FARP1: variants seen among roughly 807,000 people sequenced by gnomAD.
FARP1 encodes FERM, ARHGEF and pleckstrin domain-containing protein 1.
A neutral mutation model predicts 128.8 loss-of-function variants in FARP1; 52 were observed. The observed-to-expected ratio is 0.40, with a 90% CI of 0.32 to 0.51. FARP1 has a LOEUF of 0.51. Ranked by LOEUF, FARP1 falls within the 20% of genes least tolerant of loss-of-function variation. The probability of loss-of-function intolerance (pLI) is 0.45; values close to 1 mark genes in which losing one functional copy is unlikely to be tolerated. For missense variants in FARP1, 1,333 were observed against 1,367.9 expected (o/e 0.97, Z 0.40); for synonymous variants, 580 against 551.8 (o/e 1.05, Z -0.72).
chr13:98,396,208 A>C lies in FARP1; in HGVS notation c.1414+732A>C, dbSNP rs192869545. Reference sequence around the variant, plus strand: ...AAGCCTGGCTAATGGCACACCCCCCATGGGTGCAGCCTCTAAGGTCCCTGC... The same window carrying C: ...AAGCCTGGCTAATGGCACACCCCCCCTGGGTGCAGCCTCTAAGGTCCCTGC... On this transcript the variant is annotated intron_variant, in intron 13 of 26. Coordinates refer to ENST00000319562, the MANE Select transcript of FARP1 (RefSeq NM_005766.4). The C allele has an allele frequency of 1.6e-3, 625 of 399,128 alleles. 3 individuals are homozygous for C. Among genetic ancestry groups the C allele is most frequent in the African/African-American group, 0.012 (572 of 48,758 alleles). The allele number at this position is 399,128 out of a possible 1,614,324, so 24.7% of individuals were successfully genotyped here. A position where few individuals can be genotyped will look rare whatever the true frequency, so the allele number is the denominator to read the frequency against.
At chr13:98,323,737 G>C (rs1887107992) in intron 2 of FARP1, among the ~76,000 whole-genome samples, 1 of 152,096 alleles carries the variant, frequency 6.6e-6, no homozygotes, top group African/African-American at 2.4e-5. Flanking sequence ...TAGATATCTA[G>C]TTTATTTTGC....
rs890871011 is a variant in FARP1 at position 98,440,843 on chromosome 13, A to G, written c.2796+7A>G. On this transcript the variant is annotated splice_region_variant and intron_variant, in intron 24 of 26. Coordinates refer to ENST00000319562, the MANE Select transcript of FARP1 (RefSeq NM_005766.4). ...CTTCAGCATCGCAGTGGAGGTACGC[A>G]GGGGCAGGGCAGCTCTGGTTCCCAG... 6.9e-6 allele frequency: 11 copies of G among 1,592,910 alleles called. No homozygotes were observed. Among genetic ancestry groups the G allele is most frequent in the South Asian group, 2.3e-5 (2 of 88,692 alleles).
chr13:98,433,763 CT>C (rs1176487739), intron 18 of FARP1: 1 of 152,440 alleles, frequency 6.6e-6, no homozygotes. Flanking sequence ...CATTCCGTTC[CT>C]TCTGCTTAGA....
At chr13:98,382,866 T>C (rs545297627) in intron 6 of FARP1, among the ~76,000 whole-genome samples, 3 of 152,336 alleles carry the variant, frequency 2.0e-5, no homozygotes, top group African/African-American at 7.2e-5. Flanking sequence ...TGAAGCGCTG[T>C]CTGTCTTGTG....
chr13:98,385,615 A>T, intron 7 of FARP1, 52 bp from the exon 8 acceptor site: 2 of 1,592,966 alleles, frequency 1.3e-6, no homozygotes, highest in South Asian at 1.1e-5. Flanking sequence ...AAATTAATAG[A>T]TACAGGGAAT....
chr13:98,454,810 C>A lies in FARP1; in HGVS notation c.*6493C>A, dbSNP rs1681806940. On this transcript the variant is annotated 3_prime_UTR_variant, in exon 27 of 27. Transcript: ENST00000319562. ...GGAAGAAGTGGGTACCACAGCCAAG[C>A]CTGCAGAGAGATGATAAGCACCTCA... 6.6e-6 allele frequency: 1 copy of A among 152,184 alleles called. No individual in the cohort carries two copies. Among genetic ancestry groups the A allele is most frequent in the Non-Finnish European group, 1.5e-5 (1 of 68,058 alleles). The allele number at this position is 152,184 out of a possible 1,614,324, so 9.4% of individuals were successfully genotyped here.
chr13:98,377,957 A>G (rs775477719), intron 6 of FARP1, 39 bp downstream of exon 6: 17 of 1,384,780 alleles, frequency 1.2e-5, no homozygotes, highest in Middle Eastern at 1.8e-4. Context: ...CATGTTCAAA[A>G]TAACACAGTG....
chr13:98,396,468 AGGAACAGGAGGAGGATGAG>A (rs1278686731), intron 13 of FARP1: 8 of 382,290 alleles, frequency 2.1e-5, no homozygotes, highest in Non-Finnish European at 2.8e-5. Context: ...AGGATGAGTG[AGGAACAGGAGGAGGATGAG>A]TGAGGAGGCC....
chr13:98,182,866 C>T (rs1878625326), intron 1 of FARP1, among the ~76,000 whole-genome samples: 2 of 152,318 alleles, frequency 1.3e-5, no homozygotes, highest in South Asian at 2.1e-4. Context: ...TTCTTTTGCA[C>T]ATGACTAGCT....
chr13:98,179,498 C>T (rs898266704), intron 1 of FARP1, among the ~76,000 whole-genome samples: 3 of 152,094 alleles, frequency 2.0e-5, no homozygotes, highest in African/African-American at 7.2e-5. Context: ...GGGGTGTGAT[C>T]TTTGCTGCCA....
intron 3 of FARP1, among the ~76,000 whole-genome samples, chr13:98,356,570 G>A (rs9582218): frequency 0.014 from 2,157 of 151,754 alleles, 51 homozygotes; most frequent in African/African-American, 0.049. Context: ...AGATTGTTTC[G>A]TGCTCTTGAC....
rs189434071 is a variant in FARP1, at chr13:98,145,101, A to G, written c.-24+1609A>G. Among the ~76,000 whole-genome samples, 255 of 152,348 alleles carry G rather than the reference A, an allele frequency of 1.7e-3. 1 individual carries two copies. The highest frequency in any genetic ancestry group is 3.4e-3 in the Middle Eastern group (1 of 294). The stretch of plus-strand genomic sequence containing the variant: ...AAAATAAATAGAAGCATTATTGGGC[A>G]ATGGCTGCTTTACTGAGGGAATTGT... On this transcript the variant is annotated intron_variant, in intron 1 of 26. Coordinates refer to ENST00000319562, the MANE Select transcript of FARP1 (RefSeq NM_005766.4).
chr13:98,372,413 G>A (rs764430896), intron 5 of FARP1, among the ~76,000 whole-genome samples: 10 of 152,082 alleles, frequency 6.6e-5, no homozygotes, highest in Non-Finnish European at 1.3e-4. Flanking sequence ...TTATCGTGTG[G>A]CTTGGAATCA....
At chr13:98,264,824 A>T (rs1884027099) in intron 2 of FARP1, among the ~76,000 whole-genome samples, 1 of 152,208 alleles carries the variant, frequency 6.6e-6, no homozygotes, top group Non-Finnish European at 1.5e-5. Context: ...ACTAATATCG[A>T]ATAGAATTAC....
At chr13:98,144,543 C>T (rs999198798) in intron 1 of FARP1, among the ~76,000 whole-genome samples, 3 of 152,294 alleles carry the variant, frequency 2.0e-5, no homozygotes, top group African/African-American at 7.2e-5. Flanking sequence ...GACCGCCCAG[C>T]CCTGGTCTCT....
chr13:98,199,718 T>C (rs904646175), intron 1 of FARP1, among the ~76,000 whole-genome samples: 2 of 152,186 alleles, frequency 1.3e-5, no homozygotes, highest in African/African-American at 4.8e-5. Context: ...TGAGGTTGGC[T>C]GCAGACTAAA....
At chr13:98,421,325 A>T (rs1406783599) in intron 16 of FARP1, among the ~76,000 whole-genome samples, 1 of 152,118 alleles carries the variant, frequency 6.6e-6, no homozygotes, top group Admixed American at 6.5e-5. Context: ...CTCATTCCCC[A>T]CCGCCCTCGC....
chr13:98,311,549 C>CTG (rs111340108), intron 2 of FARP1, among the ~76,000 whole-genome samples: 2,039 of 151,450 alleles, frequency 0.013, 47 homozygotes, highest in African/African-American at 0.046. Context: ...AATCAGGGTG[C>CTG]TGTGTGTGTG....
intron 24 of FARP1, among the ~76,000 whole-genome samples, chr13:98,441,295 C>T (rs1313431037): frequency 6.6e-6 from 1 of 152,172 alleles, no homozygotes; most frequent in Non-Finnish European, 1.5e-5. Flanking sequence ...TCATGAGGGT[C>T]ACGGCAGACA....
Sources: allele counts gnomAD v4.1 joint callset (sites outside exome capture counted in the v4.1 genomes callset), GRCh38; gene constraint gnomAD v4.1.1; transcripts MANE v1.5; gene names NCBI Gene and HGNC (gene_info 2026-07-23, HGNC 2026-07-21).